GINS2: variants seen among roughly 807,000 people sequenced by gnomAD.
GINS2 encodes DNA replication complex GINS protein PSF2.
A neutral mutation model predicts 21.2 loss-of-function variants in GINS2; 23 were observed. The ratio of observed to expected loss-of-function variants is 1.08; its 90% CI spans 0.78 to 1.53. GINS2 has a LOEUF of 1.53. Ranked by LOEUF, GINS2 falls within the 40% of genes most tolerant of loss-of-function variation. The pLI is 0.00. For missense variants in GINS2, 323 were observed against 233.9 expected, an observed-to-expected ratio of 1.38 and a Z score of -2.49; for synonymous variants, 118 against 85.6, an observed-to-expected ratio of 1.38 and a Z score of -2.09.
chr16:85,683,149 C>T (rs1387231327), intron 2 of GINS2, among the ~76,000 whole-genome samples: 4 of 152,034 alleles, frequency 2.6e-5, no homozygotes, highest in Admixed American at 2.0e-4. Context: ...CTTGATCCTC[C>T]CAAACACACT....
intron 2 of GINS2, among the ~76,000 whole-genome samples, chr16:85,687,037 C>T (rs2053783208): frequency 6.6e-6 from 1 of 152,218 alleles, no homozygotes; most frequent in South Asian, 2.1e-4. Flanking sequence ...GCCTGGGCAG[C>T]ATGGCAAGAC....
chr16:85,678,467 G>A (rs2053704123), intron 4 of GINS2, 73 bp downstream of exon 4: 1 of 1,570,920 alleles, frequency 6.4e-7, no homozygotes, highest in Non-Finnish European at 8.7e-7. Context: ...GCCTGTAATA[G>A]CCTCAGCAGA....
Position 85,678,281 on chromosome 16 carries a change from C to T in GINS2, c.489G>A (p.Ala163=), listed in dbSNP as rs148331344. Reference sequence around the variant, plus strand: ...TGCGGAGTTTGTACATGTGGTTGAGCGCTTGTGTGAGGAAAGTCCCGCTGG... The same window carrying T: ...TGCGGAGTTTGTACATGTGGTTGAGTGCTTGTGTGAGGAAAGTCCCGCTGG... ...INTSGTFLTQ[A]LNHMYKLRTN... The change falls in exon 5 of 5, where the codon GCG becomes GCA. Residue 163 remains alanine, a synonymous_variant. Coordinates refer to ENST00000253462, the MANE Select transcript of GINS2 (RefSeq NM_016095.3). 4,939 of 1,612,912 alleles carry T rather than the reference C, an allele frequency of 3.1e-3. 8 individuals are homozygous for T. Among genetic ancestry groups the T allele is most frequent in the Middle Eastern group, 3.8e-3 (23 of 6,012 alleles).
intron 3 of GINS2, 108 bp downstream of exon 3, chr16:85,681,474 A>G (rs2053731718): frequency 1.5e-6 from 1 of 688,750 alleles, no homozygotes. Flanking sequence ...CAGTGTTGCC[A>G]CTTACTGAGG....
intron 1 of GINS2, 79 bp from the exon 2 acceptor site, chr16:85,687,653 A>T: frequency 1.3e-6 from 1 of 774,740 alleles, no homozygotes; most frequent in East Asian, 2.9e-5. Context: ...CTATCAAATA[A>T]GAGGCAAGGC....
intron 4 of GINS2, 53 bp downstream of exon 4, chr16:85,678,487 T>C: frequency 1.0e-5 from 16 of 1,596,612 alleles, no homozygotes; most frequent in Non-Finnish European, 1.3e-5. Flanking sequence ...ACGGGAGCCA[T>C]GTGAAATTAT....
chr16:85,682,930 T>C (rs1436334133), intron 2 of GINS2, among the ~76,000 whole-genome samples: 1 of 152,064 alleles, frequency 6.6e-6, no homozygotes, highest in Non-Finnish European at 1.5e-5. Flanking sequence ...CTCTCTTCAC[T>C]GCCGCCAGCA....
At position 85,687,569 on chromosome 16, in the gene GINS2, G is replaced by A. The variant is rs2053788581; in HGVS notation, c.96C>T (p.Asp32=). Residue 32 remains aspartate (D), a synonymous_variant, in exon 2 of 5, where the codon GAC becomes GAT. Coordinates refer to ENST00000253462, the MANE Select transcript of GINS2 (RefSeq NM_016095.3). ...SLDKIYLIGG[D]LGPFNPGLPV... is the part of the protein sequence containing the mutation. The stretch of plus-strand genomic sequence containing the variant: ...GTAAACCAGGGTTAAAAGGCCCCAG[G>A]TCCCCCTGCCAAAAGTAAAACAATT... 1.3e-6 allele frequency: 2 copies of A among 1,547,266 alleles called. No individual in the cohort carries two copies. The highest frequency in any genetic ancestry group is 1.7e-4 in the Middle Eastern group (1 of 5,774).
rs199530196 is a variant in GINS2 at position 85,678,311 on chromosome 16, G to C, written c.459C>G (p.Ile153Met). 1.9e-6 allele frequency: 3 copies of C among 1,613,712 alleles called. No homozygotes were observed. The highest frequency in any genetic ancestry group is 2.5e-6 in the Non-Finnish European group (3 of 1,179,662). ...AKLDNLTLME[I>M]NTSGTFLTQA... ...GTGTGAGGAAAGTCCCGCTGGTGTT[G>C]ATCTCCATCAAGGTCAAGTTATCCA... The change falls in exon 5 of 5, where the codon ATC (isoleucine) becomes ATG (methionine). Residue 153 changes from isoleucine to methionine, a missense_variant. By Grantham distance (10) the Ile-to-Met change is conservative. Coordinates refer to ENST00000253462, the MANE Select transcript of GINS2 (RefSeq NM_016095.3).
intron 3 of GINS2, among the ~76,000 whole-genome samples, chr16:85,680,333 C>T (rs931795545): frequency 3.9e-5 from 6 of 152,208 alleles, no homozygotes; most frequent in South Asian, 2.1e-4. Context: ...CAGTGGGCTC[C>T]CAGCCCTTCC....
Position 85,687,542 on chromosome 16 carries a change from G to A in GINS2, c.123C>T (p.Pro41=), listed in dbSNP as rs374125054. Residue 41 remains proline, a synonymous_variant, in exon 2 of 5, where the codon CCC becomes CCT. Transcript: ENST00000253462. ...TCGCCAGCCACAGGGGCACTTCCAC[G>A]GGTAAACCAGGGTTAAAAGGCCCCA... The part of the protein sequence containing the change: ...GDLGPFNPGL[P]VEVPLWLAIN... 1.3e-5 allele frequency: 21 copies of A among 1,585,976 alleles called. No individual in the cohort carries two copies. The highest frequency in any genetic ancestry group is 4.1e-5 in the African/African-American group (3 of 73,256).
At chr16:85,681,091 T>C (rs181896962) in intron 3 of GINS2, among the ~76,000 whole-genome samples, 39 of 152,338 alleles carry the variant, frequency 2.6e-4, no homozygotes, top group African/African-American at 9.4e-4. Flanking sequence ...GGAAGTGGGC[T>C]TTCCTGTAAC....
At chr16:85,686,797 T>C (rs6540014) in intron 2 of GINS2, among the ~76,000 whole-genome samples, 152,366 of 152,374 alleles carry the variant, frequency 1, 76,179 homozygotes, top group Non-Finnish European at 1. Flanking sequence ...ATATTCAACC[T>C]TATTGTGATA....
intron 3 of GINS2, among the ~76,000 whole-genome samples, chr16:85,681,054 C>T (rs1475522526): frequency 6.6e-6 from 1 of 152,186 alleles, no homozygotes; most frequent in East Asian, 1.9e-4. Context: ...AAACAAGCTA[C>T]GGAGTTACTA....
intron 2 of GINS2, among the ~76,000 whole-genome samples, chr16:85,686,892 A>T (rs1411699218): frequency 1.3e-5 from 2 of 152,256 alleles, no homozygotes; most frequent in Non-Finnish European, 2.9e-5. Context: ...ATGCTTATTT[A>T]AGGTCATATA....
Position 85,681,670 on chromosome 16 carries a change from TCTC to T in GINS2, c.214_216del (p.Glu72del). On this transcript the variant is annotated inframe_deletion, in exon 3 of 5. Transcript: ENST00000253462. ...TCCTTTCGTTCATGATCCCTCATCT[TCTC>T]CAACTTTTCTGAAATTTAGAAGTTA... 1 of 1,601,892 alleles carries T rather than the reference TCTC, an allele frequency of 6.2e-7. No individual in the cohort carries two copies. The highest frequency in any genetic ancestry group is 1.1e-5 in the South Asian group (1 of 90,620).
chr16:85,683,425 T>C (rs750540002), intron 2 of GINS2, among the ~76,000 whole-genome samples: 14 of 152,134 alleles, frequency 9.2e-5, no homozygotes, highest in Admixed American at 6.5e-5. Context: ...AATAACCTCA[T>C]TGCTGCTGTA....
In GINS2 at chr16:85,681,726, A is replaced by T. The variant is rs78349083; in HGVS notation, c.206-45T>A. 299 of 1,204,882 alleles carry T rather than the reference A, an allele frequency of 2.5e-4. 1 individual carries two copies. The East Asian group carries it at 6.8e-3, about 27-fold the overall frequency. 74.6% of individuals were successfully genotyped at this position (1,204,882 alleles called of 1,614,324 possible). A position where few individuals can be genotyped will look rare whatever the true frequency, so the allele number is the denominator to read the frequency against. On this transcript the variant is annotated intron_variant, in intron 2 of 4. Coordinates refer to ENST00000253462, the MANE Select transcript of GINS2 (RefSeq NM_016095.3). Reference sequence around the variant, plus strand: ...ACATTTTACCATCATTATAACCAAGATATTTATTAAACCTTCCAAATTTAC... The same window carrying T: ...ACATTTTACCATCATTATAACCAAGTTATTTATTAAACCTTCCAAATTTAC...
chr16:85,679,895 C>A (rs927671368), intron 3 of GINS2, among the ~76,000 whole-genome samples: 12 of 152,170 alleles, frequency 7.9e-5, no homozygotes, highest in African/African-American at 2.7e-4. Flanking sequence ...TCCTCTGCTC[C>A]CATGAATGTA....
Sources: allele counts gnomAD v4.1 joint callset (sites outside exome capture counted in the v4.1 genomes callset), GRCh38; gene constraint gnomAD v4.1.1; transcripts MANE v1.5; gene names NCBI Gene and HGNC (gene_info 2026-07-23, HGNC 2026-07-21).